Variants in DDX60L observed in about 807,000 individuals in gnomAD.
The protein encoded by DDX60L is DExD/H-box 60 like, also known as probable ATP-dependent RNA helicase DDX60-like.
In DDX60L, 191 loss-of-function variants were observed where a neutral mutation model predicts 211.6. The ratio of observed to expected loss-of-function variants is 0.90; its 90% CI spans 0.80 to 1.02. The LOEUF (loss-of-function observed/expected upper bound fraction) is 1.02. Among genes scored for constraint, DDX60L ranks in the 50% least tolerant of loss-of-function variants. The probability of loss-of-function intolerance (pLI) is 0.00; values close to 1 mark genes in which losing one functional copy is unlikely to be tolerated. For missense variants in DDX60L, 2,007 were observed against 1,984.1 expected, an observed-to-expected ratio of 1.01 and a Z score of -0.22; for synonymous variants, 706 against 694.1, an observed-to-expected ratio of 1.02 and a Z score of -0.27.
At chr4:168,427,686 C>T (rs1489650694) in intron 13 of DDX60L, among the ~76,000 whole-genome samples, 1 of 152,150 alleles carries the variant, frequency 6.6e-6, no homozygotes, top group African/African-American at 2.4e-5. Context: ...ATTCATTCTC[C>T]ACCCCACAAA....
chr4:168,456,516 T>G (rs1756591408), intron 6 of DDX60L, among the ~76,000 whole-genome samples: 1 of 152,194 alleles, frequency 6.6e-6, no homozygotes, highest in African/African-American at 2.4e-5. Context: ...TAGCTTGTTA[T>G]AAATATCAAT....
intron 4 of DDX60L, among the ~76,000 whole-genome samples, chr4:168,463,263 A>ATG (rs1757556873): frequency 6.6e-6 from 1 of 152,250 alleles, no homozygotes; most frequent in East Asian, 1.9e-4. Context: ...GACAAAGAAA[A>ATG]TGTGGTACAT....
rs758671260 is a variant in DDX60L at position 168,406,039 on chromosome 4, T to C, written c.3124A>G (p.Ile1042Val). The change falls in exon 24 of 38, where the codon ATA (isoleucine) becomes GTA (valine). Residue 1042 changes from isoleucine (I) to valine (V), a missense_variant. By Grantham distance (29) the Ile-to-Val change is conservative. Coordinates refer to ENST00000682922, the MANE Select transcript of DDX60L (RefSeq NM_001012967.3). ...PEEFILFKNK[I>V]VIKKLDARKY... ...CTAGCATCCAACTTCTTAATGACTA[T>C]CTTATTCTTAAAAAGAATGAATTCC... 1.9e-6 allele frequency: 3 copies of C among 1,601,468 alleles called. No homozygotes were observed. The highest frequency in any genetic ancestry group is 1.1e-5 in the South Asian group (1 of 87,530).
At chr4:168,398,904 G>T (rs549066424) in intron 26 of DDX60L, among the ~76,000 whole-genome samples, 3 of 151,836 alleles carry the variant, frequency 2.0e-5, no homozygotes, top group African/African-American at 7.2e-5. Context: ...CCACTCCAGG[G>T]TCTTCTCTCC....
intron 29 of DDX60L, among the ~76,000 whole-genome samples, chr4:168,389,917 T>C (rs757538421): frequency 6.6e-6 from 1 of 152,182 alleles, no homozygotes; most frequent in Non-Finnish European, 1.5e-5. Flanking sequence ...TGACAAATCC[T>C]TCTAGACAAA....
intron 13 of DDX60L, among the ~76,000 whole-genome samples, chr4:168,430,013 C>T (rs1368577395): frequency 1.3e-5 from 2 of 152,156 alleles, no homozygotes; most frequent in Non-Finnish European, 2.9e-5. Context: ...GCCTGGCCAA[C>T]AGGAAGAAAC....
At chr4:168,416,206 C>A (rs1749538556) in intron 20 of DDX60L, among the ~76,000 whole-genome samples, 1 of 152,172 alleles carries the variant, frequency 6.6e-6, no homozygotes, top group South Asian at 2.1e-4. Context: ...TTGTCATCTG[C>A]AAGGTCAATG....
chr4:168,379,518 AC>A lies in DDX60L; in HGVS notation c.4222-15del. 2 of 1,535,032 alleles carry A rather than the reference AC, an allele frequency of 1.3e-6. No individual in the cohort carries two copies. The highest frequency in any genetic ancestry group is 1.7e-6 in the Non-Finnish European group (2 of 1,143,736). ...ATTTAAATAGTCCTAAAAATGAGAA[AC>A]AAAAAGTTGATTTAACTTGTCATGT... is the stretch of plus-strand genomic sequence containing the variant. On this transcript the variant is annotated splice_polypyrimidine_tract_variant and intron_variant, in intron 31 of 37. Transcript: ENST00000682922.
chr4:168,383,197 G>A (rs1743261895), intron 30 of DDX60L, among the ~76,000 whole-genome samples: 1 of 151,806 alleles, frequency 6.6e-6, no homozygotes, highest in South Asian at 2.1e-4. Flanking sequence ...GGTCTTTGGT[G>A]GTAAAACAAA....
Position 168,395,984 on chromosome 4 carries a change from G to A in DDX60L, c.3632C>T (p.Thr1211Ile). The A allele has an allele frequency of 6.2e-7, 1 of 1,603,886 alleles. No homozygotes were observed. Among genetic ancestry groups the A allele is most frequent in the Non-Finnish European group, 8.5e-7 (1 of 1,175,942 alleles). The change falls in exon 27 of 38, where the codon ACT becomes ATT. Residue 1211 changes from threonine (T) to isoleucine (I), a missense_variant. Transcript: ENST00000682922. ...CTYADVKALHTEITRNKDSTL... is the reference protein window; with the variant it reads ...CTYADVKALHIEITRNKDSTL... ...TGAGTCTTTATTCCTGGTAATTTCA[G>A]TGTGTAGGGCTTTGACATCAGCATA...
At chr4:168,409,981 C>T (rs550938966) in intron 22 of DDX60L, among the ~76,000 whole-genome samples, 7 of 152,222 alleles carry the variant, frequency 4.6e-5, no homozygotes, top group South Asian at 2.1e-4. Flanking sequence ...GTGCCTGCCA[C>T]GTAAATTCTC....
At chr4:168,478,034 C>A (rs577306143) in intron 1 of DDX60L, among the ~76,000 whole-genome samples, 36 of 151,628 alleles carry the variant, frequency 2.4e-4, no homozygotes, top group African/African-American at 8.7e-4. Context: ...TGGAGACCAA[C>A]CTGGGCAACA....
rs547994579 is a variant in DDX60L, at chr4:168,387,449, G to T, written c.3916-2637C>A. ...AAAGGATCTGATTGAAAACAAGGCT[G>T]AGAACTTTCCCTATTTAGGCCAGAC... is the stretch of plus-strand genomic sequence containing the variant. On this transcript the variant is annotated intron_variant, in intron 29 of 37. Transcript: ENST00000682922. 2.0e-5 allele frequency among the ~76,000 whole-genome samples: 3 copies of T among 152,336 alleles called. No homozygotes were observed. In the East Asian group the frequency reaches 5.8e-4, roughly 29 times the overall value.
chr4:168,456,562 T>C (rs960057732), intron 6 of DDX60L, among the ~76,000 whole-genome samples: 3 of 152,236 alleles, frequency 2.0e-5, no homozygotes, highest in Middle Eastern at 3.4e-3. Flanking sequence ...CACACAACAT[T>C]GAAAATTGTG....
At chr4:168,372,016 G>A (rs1741122747) in intron 35 of DDX60L, among the ~76,000 whole-genome samples, 1 of 152,070 alleles carries the variant, frequency 6.6e-6, no homozygotes, top group Non-Finnish European at 1.5e-5. Context: ...ACCGCTGAGG[G>A]AAATAGGAAC....
chr4:168,453,169 G>A lies in DDX60L; in HGVS notation c.951C>T (p.Val317=), dbSNP rs1260865167. Residue 317 remains valine, a synonymous_variant, in exon 8 of 38, where the codon GTC becomes GTT. Coordinates refer to ENST00000682922, the MANE Select transcript of DDX60L (RefSeq NM_001012967.3). ...LPLSQRACSR[V]ITCSWIRNSD... is the part of the protein sequence containing the mutation. ...TGTTCCTAATCCAAGAGCATGTGATGACTCGAGAACAAGCTCTCTGAGAAA... is the reference window on the plus strand; with the variant it reads ...TGTTCCTAATCCAAGAGCATGTGATAACTCGAGAACAAGCTCTCTGAGAAA... 1.9e-6 allele frequency: 3 copies of A among 1,613,064 alleles called. No individual in the cohort carries two copies. The highest frequency in any genetic ancestry group is 2.7e-5 in the African/African-American group (2 of 74,998).
intron 11 of DDX60L, 72 bp from the exon 12 acceptor site, chr4:168,432,642 T>A (rs1752524280): frequency 2.3e-6 from 2 of 852,804 alleles, no homozygotes; most frequent in Non-Finnish European, 1.7e-6. Context: ...CAGGCTGTGA[T>A]AACAGAAATT....
Position 168,419,377 on chromosome 4 carries a change from T to C in DDX60L, c.2535A>G (p.Glu845=). ...GAGCAAGCAACAGGATTTCAAAACA[T>C]TCCGGCACTGTAATAAGTACCTACA... The part of the protein sequence containing the change: ...LNCQVLITVP[E]CFEILLLAPH... The change falls in exon 19 of 38, where the codon GAA becomes GAG. Residue 845 remains glutamate, a synonymous_variant. Coordinates refer to ENST00000682922, the MANE Select transcript of DDX60L (RefSeq NM_001012967.3). 1 of 1,591,522 alleles carries C rather than the reference T, an allele frequency of 6.3e-7. No homozygotes were observed. The highest frequency in any genetic ancestry group is 8.6e-7 in the Non-Finnish European group (1 of 1,167,338).
In DDX60L at chr4:168,370,071, T is replaced by A. The variant is rs540090340; in HGVS notation, c.4928+1541A>T. Among the ~76,000 whole-genome samples, 95 of 152,246 alleles carry A rather than the reference T, an allele frequency of 6.2e-4. 4 individuals carry two copies. The South Asian group carries it at 0.016, about 26-fold the overall frequency. On this transcript the variant is annotated intron_variant, in intron 36 of 37. Transcript: ENST00000682922. Reference sequence around the variant, plus strand: ...AAGATCAAGCAATCCCACTACTAGATATATATCCAAAGAAATTAAATCAGT... The same window carrying A: ...AAGATCAAGCAATCCCACTACTAGAAATATATCCAAAGAAATTAAATCAGT...
Sources: gnomAD v4.1 joint callset for allele counts (sites outside exome capture counted in the v4.1 genomes callset) on GRCh38, gnomAD v4.1.1 for gene constraint, MANE v1.5 for transcripts, NCBI Gene and HGNC (gene_info 2026-07-23, HGNC 2026-07-21) for gene names.